Variants in ORC4 observed in about 807,000 individuals in gnomAD.
ORC4 encodes the protein origin recognition complex, subunit 4 homolog.
A neutral mutation model predicts 63.9 loss-of-function variants in ORC4; 55 were observed. That is an observed-to-expected ratio of 0.86 (90% CI 0.69 to 1.08). ORC4 has a LOEUF of 1.08. Ranked by LOEUF, ORC4 falls within the 50% of genes least tolerant of loss-of-function variation. The probability of loss-of-function intolerance (pLI) is 0.00; values close to 1 mark genes in which losing one functional copy is unlikely to be tolerated. For synonymous variants in ORC4, 150 were observed against 168.5 expected (o/e 0.89, Z 0.85); for missense variants, 511 against 504.4 (o/e 1.01, Z -0.13).
At chr2:147,949,021 T>C (rs958670935) in intron 8 of ORC4, among the ~76,000 whole-genome samples, 1 of 147,956 alleles carries the variant, frequency 6.8e-6, no homozygotes, top group Non-Finnish European at 1.5e-5. Flanking sequence ...ATATATAATT[T>C]ATATTATATA....
intron 1 of ORC4, chr2:147,982,206 A>C (rs757783064): frequency 6.6e-5 from 10 of 152,206 alleles, no homozygotes; most frequent in Non-Finnish European, 1.3e-4. Context: ...TTATATCTAA[A>C]GTTTTATCTT....
chr2:147,991,854 A>G (rs962168652), intron 1 of ORC4, among the ~76,000 whole-genome samples: 1 of 152,126 alleles, frequency 6.6e-6, no homozygotes, highest in African/African-American at 2.4e-5. Context: ...AGACATTACT[A>G]CAGTTGTTTT....
At chr2:148,011,418 A>G (rs529324551) in intron 1 of ORC4, among the ~76,000 whole-genome samples, 54 of 152,322 alleles carry the variant, frequency 3.5e-4, no homozygotes, top group African/African-American at 1.2e-3. Context: ...TTTTGATAAA[A>G]TTCAATATCC....
chr2:147,969,555 T>C (rs1690088157), intron 4 of ORC4, among the ~76,000 whole-genome samples: 2 of 151,896 alleles, frequency 1.3e-5, no homozygotes, highest in Admixed American at 1.3e-4. Flanking sequence ...AATATCAGAT[T>C]AGAAGAAGCA....
intron 13 of ORC4, 96 bp downstream of exon 13, chr2:147,938,049 TA>T (rs1573741672): frequency 1.2e-6 from 1 of 819,702 alleles, no homozygotes; most frequent in East Asian, 2.7e-5. Flanking sequence ...CTATAATACT[TA>T]ATGTTTAAAA....
At chr2:147,979,277 A>G (rs1423372947) in intron 1 of ORC4, among the ~76,000 whole-genome samples, 1 of 152,220 alleles carries the variant, frequency 6.6e-6, no homozygotes, top group Non-Finnish European at 1.5e-5. Flanking sequence ...TACAAAATCA[A>G]CATAAAAAAA....
chr2:147,949,223 G>C (rs1447701874), intron 8 of ORC4, among the ~76,000 whole-genome samples: 1 of 151,438 alleles, frequency 6.6e-6, no homozygotes, highest in Admixed American at 6.6e-5. Flanking sequence ...ACTGATGAAT[G>C]GATAAACAAA....
At chr2:147,976,739 A>T (rs1690579753) in intron 1 of ORC4, among the ~76,000 whole-genome samples, 1 of 151,952 alleles carries the variant, frequency 6.6e-6, no homozygotes, top group African/African-American at 2.4e-5. Context: ...AAGTGCCTGT[A>T]TTTTGCTTTA....
At chr2:147,953,170 TAAA>T (rs578262781) in intron 7 of ORC4, among the ~76,000 whole-genome samples, 3 of 140,640 alleles carry the variant, frequency 2.1e-5, no homozygotes, top group Admixed American at 7.2e-5. Flanking sequence ...TCTCTGCTAT[TAAA>T]AAAAAAAAAA....
chr2:148,006,634 G>A (rs139093053), intron 1 of ORC4, among the ~76,000 whole-genome samples: 1,573 of 152,298 alleles, frequency 0.01, 12 homozygotes, highest in Non-Finnish European at 0.018. Flanking sequence ...TTGATAGCAA[G>A]CTTTTGCTCC....
chr2:147,938,061 A>C, intron 13 of ORC4, 85 bp downstream of exon 13: 4 of 876,708 alleles, frequency 4.6e-6, no homozygotes, highest in Non-Finnish European at 7.5e-6. Flanking sequence ...ATGTTTAAAA[A>C]TGAAAGTGCA....
At position 147,952,432 on chromosome 2, in the gene ORC4, A is replaced by C; in HGVS notation, c.529T>G (p.Phe177Val). ...GTCTGTGCAGACTGAGAAATGTCAA[A>C]AAGATTATAGAGAAGTGTTTGGTTT... is the stretch of plus-strand genomic sequence containing the variant. ...HKNQTLLYNL[F>V]DISQSAQTPI... The change falls in exon 8 of 14, where the codon TTT (phenylalanine) becomes GTT (valine). Residue 177 changes from phenylalanine to valine, a missense_variant. Phe to Val is a conservative substitution (Grantham distance 50). Coordinates refer to ENST00000392857, the MANE Select transcript of ORC4 (RefSeq NM_181741.4). The C allele has an allele frequency of 6.2e-7, 1 of 1,611,260 alleles. No individual in the cohort carries two copies. The highest frequency in any genetic ancestry group is 8.5e-7 in the Non-Finnish European group (1 of 1,177,490).
At chr2:148,018,651 C>T (rs1285131993) in intron 1 of ORC4, among the ~76,000 whole-genome samples, 1 of 152,082 alleles carries the variant, frequency 6.6e-6, no homozygotes, top group Non-Finnish European at 1.5e-5. Context: ...TATATCCCAG[C>T]TGCATGAGAG....
chr2:147,939,855 T>C (rs911648656), intron 10 of ORC4, among the ~76,000 whole-genome samples: 5 of 152,188 alleles, frequency 3.3e-5, no homozygotes, highest in African/African-American at 1.2e-4. Context: ...CTTCCTTCCT[T>C]CTTTATTTGT....
At chr2:148,020,023 G>T (rs1693599221) in intron 1 of ORC4, among the ~76,000 whole-genome samples, 2 of 152,094 alleles carry the variant, frequency 1.3e-5, no homozygotes, top group South Asian at 4.1e-4. Flanking sequence ...ATCAATCGTA[G>T]AACTCAACAT....
intron 1 of ORC4, among the ~76,000 whole-genome samples, chr2:147,984,758 G>C (rs1691094719): frequency 1.3e-5 from 2 of 152,174 alleles, no homozygotes. Context: ...ATGACAGTAA[G>C]TCCCCTACAA....
At chr2:147,944,213 A>T (rs1023377301) in intron 9 of ORC4, among the ~76,000 whole-genome samples, 1 of 152,124 alleles carries the variant, frequency 6.6e-6, no homozygotes, top group African/African-American at 2.4e-5. Flanking sequence ...GAAAGGTAGA[A>T]GATAAAAATC....
intron 11 of ORC4, 79 bp downstream of exon 11, chr2:147,939,061 T>C (rs1688219679): frequency 3.4e-6 from 3 of 872,640 alleles, no homozygotes; most frequent in South Asian, 2.7e-5. Flanking sequence ...CCCACGTTAA[T>C]TGTAATTTTA....
rs1687830697 is a variant in ORC4 at position 147,932,589 on chromosome 2, G to C, written c.*2921C>G. The C allele has an allele frequency of 1.3e-5, 2 of 152,188 alleles. No homozygotes were observed. Among genetic ancestry groups the C allele is most frequent in the African/African-American group, 4.8e-5 (2 of 41,450 alleles). The allele number at this position is 152,188 out of a possible 1,614,324, so 9.4% of individuals were successfully genotyped here. A position where few individuals can be genotyped will look rare whatever the true frequency, so the allele number is the denominator to read the frequency against. ...CTTGACAACTGCAAGAATGAGGATAGTGGTGAGTGAAGGGAGATTTGTTAA... is the reference window on the plus strand; with the variant it reads ...CTTGACAACTGCAAGAATGAGGATACTGGTGAGTGAAGGGAGATTTGTTAA... On this transcript the variant is annotated 3_prime_UTR_variant, in exon 14 of 14. Transcript: ENST00000392857.
Sources: allele counts gnomAD v4.1 joint callset (sites outside exome capture counted in the v4.1 genomes callset), GRCh38; gene constraint gnomAD v4.1.1; transcripts MANE v1.5; gene names NCBI Gene and HGNC (gene_info 2026-07-23, HGNC 2026-07-21).